GRID2: variants seen among roughly 807,000 people sequenced by gnomAD.
GRID2 encodes the protein glutamate receptor ionotropic, delta-2.
A neutral mutation model predicts 114.8 loss-of-function variants in GRID2; 33 were observed. That is an observed-to-expected ratio of 0.29 (90% CI 0.22 to 0.38). The LOEUF (loss-of-function observed/expected upper bound fraction) is 0.38. Ranked by LOEUF, GRID2 falls within the 10% of genes least tolerant of loss-of-function variation. The pLI, the probability that GRID2 is intolerant of heterozygous loss-of-function variation, is 1.00. For missense variants in GRID2, 1,184 were observed against 1,257.7 expected (o/e 0.94, Z 0.89); for synonymous variants, 505 against 449.9 (o/e 1.12, Z -1.55).
At chr4:93,390,983 A>G (rs552943598) in intron 8 of GRID2, among the ~76,000 whole-genome samples, 12 of 152,252 alleles carry the variant, frequency 7.9e-5, no homozygotes, top group Admixed American at 2.0e-4. Context: ...TGGTTGAACC[A>G]TGTGATTTTT....
intron 2 of GRID2, among the ~76,000 whole-genome samples, chr4:92,690,533 G>A (rs890552438): frequency 6.6e-6 from 1 of 152,212 alleles, no homozygotes; most frequent in Non-Finnish European, 1.5e-5. Flanking sequence ...ATGTGACACA[G>A]TCATGAAGTG....
chr4:93,594,769 A>G (rs942366699), intron 13 of GRID2, among the ~76,000 whole-genome samples: 15 of 152,172 alleles, frequency 9.9e-5, no homozygotes, highest in Non-Finnish European at 1.6e-4. Flanking sequence ...GCCGTTTTTT[A>G]AGCCCGTCGG....
At chr4:92,450,797 A>C (rs1178813438) in intron 1 of GRID2, among the ~76,000 whole-genome samples, 1 of 149,618 alleles carries the variant, frequency 6.7e-6, no homozygotes, top group South Asian at 2.1e-4. Context: ...AATAAATTTA[A>C]ATTTAAAAAT....
intron 8 of GRID2, among the ~76,000 whole-genome samples, chr4:93,392,397 C>G (rs1217937534): frequency 6.6e-6 from 1 of 152,114 alleles, no homozygotes; most frequent in African/African-American, 2.4e-5. Flanking sequence ...TAGTTTTTAT[C>G]AAACACTATG....
chr4:92,683,986 G>A (rs1733779162), intron 2 of GRID2, among the ~76,000 whole-genome samples: 1 of 151,780 alleles, frequency 6.6e-6, no homozygotes, highest in Non-Finnish European at 1.5e-5. Context: ...GATTAACTTA[G>A]CCAAAAATAT....
chr4:93,414,589 CT>C (rs1466274575), intron 9 of GRID2, among the ~76,000 whole-genome samples: 1 of 151,850 alleles, frequency 6.6e-6, no homozygotes, highest in Non-Finnish European at 1.5e-5. Flanking sequence ...TACAGAGGTG[CT>C]TTCTAATTGA....
chr4:93,344,984 AGTGTGTGTGTGTGTGTGT>A (rs35018148), intron 8 of GRID2, among the ~76,000 whole-genome samples: 1 of 142,406 alleles, frequency 7.0e-6, no homozygotes, highest in Non-Finnish European at 1.5e-5. Flanking sequence ...GTTGTATTCT[AGTGTGTGTGTGTGTGTGT>A]GTGTGTGTGT....
intron 2 of GRID2, among the ~76,000 whole-genome samples, chr4:92,802,414 T>A (rs1032460981): frequency 1.3e-5 from 2 of 151,920 alleles, no homozygotes; most frequent in Admixed American, 1.3e-4. Context: ...TACGAAATTG[T>A]TTCACTGCCC....
intron 13 of GRID2, among the ~76,000 whole-genome samples, chr4:93,589,492 G>A (rs1737933767): frequency 6.6e-6 from 1 of 152,010 alleles, no homozygotes; most frequent in South Asian, 2.1e-4. Flanking sequence ...TTGCTATTGT[G>A]AATAATGCCG....
At chr4:93,401,301 G>A (rs1276452219) in intron 9 of GRID2, among the ~76,000 whole-genome samples, 1 of 151,858 alleles carries the variant, frequency 6.6e-6, no homozygotes, top group Non-Finnish European at 1.5e-5. Flanking sequence ...CTATAGTAAA[G>A]ACTGTGATAG....
chr4:92,578,147 T>C, intron 1 of GRID2, among the ~76,000 whole-genome samples: 1 of 147,148 alleles, frequency 6.8e-6, no homozygotes, highest in Non-Finnish European at 1.5e-5. Context: ...CTTTAAGTTT[T>C]AGGGTACATG....
rs28505400 is a variant in GRID2, at chr4:92,319,939, C to T, written c.88+15195C>T. On this transcript the variant is annotated intron_variant, in intron 1 of 15. Transcript: ENST00000282020. ...TATGCTTATTGAACTCTCAAATATGCTGTAAATATAAGAGAAGAAATATTG... is the reference window on the plus strand; with the variant it reads ...TATGCTTATTGAACTCTCAAATATGTTGTAAATATAAGAGAAGAAATATTG... Among the ~76,000 whole-genome samples, 501 of 152,148 alleles carry T rather than the reference C, an allele frequency of 3.3e-3. 6 individuals carry two copies. The highest frequency in any genetic ancestry group is 0.012 in the African/African-American group (479 of 41,496).
At chr4:93,789,156 G>A (rs1734648079) in intron 1 of GRID2, among the ~76,000 whole-genome samples, 1 of 152,086 alleles carries the variant, frequency 6.6e-6, no homozygotes, top group Non-Finnish European at 1.5e-5. Flanking sequence ...TTAGATAAAT[G>A]ACCTAAACAC....
chr4:93,260,030 G>A (rs1439886364), intron 8 of GRID2, among the ~76,000 whole-genome samples: 3 of 151,652 alleles, frequency 2.0e-5, no homozygotes, highest in South Asian at 2.1e-4. Context: ...AGTATTTTAC[G>A]TAGGAGGTAT....
intron 8 of GRID2, among the ~76,000 whole-genome samples, chr4:93,378,772 A>G (rs574535916): frequency 1.3e-5 from 2 of 152,204 alleles, no homozygotes; most frequent in East Asian, 3.9e-4. Flanking sequence ...TATTTGGCTT[A>G]AAACCTTTGT....
At chr4:93,779,347 AC>A (rs1251828233), downstream of GRID2, among the ~76,000 whole-genome samples, 2 of 152,100 alleles carry the variant, frequency 1.3e-5, no homozygotes, top group African/African-American at 4.8e-5. Flanking sequence ...TTAGCACGGT[AC>A]CCTAGGGCAG....
intron 13 of GRID2, among the ~76,000 whole-genome samples, chr4:93,588,277 A>G (rs749138374): frequency 4.6e-5 from 7 of 152,144 alleles, no homozygotes; most frequent in Non-Finnish European, 1.0e-4. Context: ...TAAGCTAAAG[A>G]ACATTTATAA....
chr4:93,100,187 C>T (rs766463152), intron 3 of GRID2, among the ~76,000 whole-genome samples: 1 of 151,742 alleles, frequency 6.6e-6, no homozygotes, highest in Non-Finnish European at 1.5e-5. Context: ...ATGTTCTTAA[C>T]AAATATTGAT....
At chr4:93,114,939 T>C (rs1034830648) in intron 4 of GRID2, among the ~76,000 whole-genome samples, 54 of 152,284 alleles carry the variant, frequency 3.5e-4, no homozygotes, top group African/African-American at 1.2e-3. Context: ...TGTTCTGGAA[T>C]ACCGTAGGAG....
Sources: allele counts gnomAD v4.1 joint callset (sites outside exome capture counted in the v4.1 genomes callset), GRCh38; gene constraint gnomAD v4.1.1; transcripts MANE v1.5; gene names NCBI Gene and HGNC (gene_info 2026-07-23, HGNC 2026-07-21).